Variants in DCC observed in about 807,000 individuals in gnomAD.
The protein encoded by DCC is netrin receptor DCC.
A neutral mutation model predicts 172.5 loss-of-function variants in DCC; 58 were observed. The observed-to-expected ratio is 0.34, with a 90% CI of 0.27 to 0.42. DCC has a LOEUF of 0.42. Ranked by LOEUF, DCC falls within the 10% of genes least tolerant of loss-of-function variation. The pLI is 1.00. For synonymous variants in DCC, 709 were observed against 644.5 expected (o/e 1.10, Z -1.52); for missense variants, 1,740 against 1,791.0 (o/e 0.97, Z 0.51).
chr18:52,878,694 G>A (rs2039437621), intron 2 of DCC, among the ~76,000 whole-genome samples: 1 of 152,126 alleles, frequency 6.6e-6, no homozygotes, highest in Non-Finnish European at 1.5e-5. Flanking sequence ...CTCCCTGAGA[G>A]TATATAATTT....
intron 15 of DCC, among the ~76,000 whole-genome samples, chr18:53,343,867 T>G (rs1222333370): frequency 3.9e-5 from 6 of 152,102 alleles, no homozygotes; most frequent in Admixed American, 3.3e-4. Context: ...TTTCTTGTAT[T>G]GATTTTGCTA....
At chr18:53,081,644 G>A (rs755927444) in intron 7 of DCC, among the ~76,000 whole-genome samples, 3 of 151,970 alleles carry the variant, frequency 2.0e-5, no homozygotes, top group Non-Finnish European at 4.4e-5. Flanking sequence ...CACAGCTAAT[G>A]TGTAAAATAA....
chr18:53,349,438 A>C (rs1009755630), intron 15 of DCC, among the ~76,000 whole-genome samples: 3 of 152,136 alleles, frequency 2.0e-5, no homozygotes, highest in Non-Finnish European at 2.9e-5. Flanking sequence ...ACACTGTTTC[A>C]ACCTCTGCCT....
chr18:53,263,186 C>T (rs1302847530), intron 12 of DCC, among the ~76,000 whole-genome samples: 1 of 152,170 alleles, frequency 6.6e-6, no homozygotes, highest in African/African-American at 2.4e-5. Flanking sequence ...GAGTCTTCCC[C>T]TGTCATCTGA....
At chr18:52,757,472 C>T (rs1169664681) in intron 2 of DCC, among the ~76,000 whole-genome samples, 1 of 152,000 alleles carries the variant, frequency 6.6e-6, no homozygotes, top group African/African-American at 2.4e-5. Context: ...CAACCATGAC[C>T]CCCTGTCCAC....
chr18:52,470,734 C>A (rs1388521891), intron 1 of DCC, among the ~76,000 whole-genome samples: 1 of 152,138 alleles, frequency 6.6e-6, no homozygotes, highest in Admixed American at 6.5e-5. Context: ...TAATGGGAAA[C>A]AAAGTATCAC....
intron 9 of DCC, among the ~76,000 whole-genome samples, chr18:53,184,380 A>G (rs1201538425): frequency 6.9e-6 from 1 of 145,572 alleles, no homozygotes; most frequent in Admixed American, 6.9e-5. Context: ...GAAATGCATC[A>G]TTAATTGTTT....
At chr18:53,150,137 T>A (rs1598851012) in intron 7 of DCC, among the ~76,000 whole-genome samples, 1 of 152,328 alleles carries the variant, frequency 6.6e-6, no homozygotes, top group Admixed American at 6.5e-5. Flanking sequence ...ATATTTCCCC[T>A]TCTCCATTTG....
At chr18:53,390,905 A>G (rs888419195) in intron 16 of DCC, among the ~76,000 whole-genome samples, 2 of 152,180 alleles carry the variant, frequency 1.3e-5, no homozygotes, top group Non-Finnish European at 2.9e-5. Flanking sequence ...TTAGCTAATT[A>G]CTCTGTGAGA....
intron 2 of DCC, among the ~76,000 whole-genome samples, chr18:52,823,567 T>C (rs1299937011): frequency 2.6e-5 from 4 of 152,162 alleles, no homozygotes; most frequent in African/African-American, 7.2e-5. Flanking sequence ...ACCTGCTATT[T>C]TACTTACTAA....
chr18:52,860,061 A>C (rs2039115834), intron 2 of DCC, among the ~76,000 whole-genome samples: 1 of 152,236 alleles, frequency 6.6e-6, no homozygotes, highest in Admixed American at 6.5e-5. Context: ...AATGGGCTAG[A>C]CGTCTATATA....
intron 5 of DCC, chr18:52,941,192 T>G (rs2040456045): frequency 6.6e-6 from 1 of 152,124 alleles, no homozygotes; most frequent in Non-Finnish European, 1.5e-5. Context: ...GAAAAAAAGT[T>G]TAAGTCTTTT....
intron 7 of DCC, among the ~76,000 whole-genome samples, chr18:53,080,892 G>A (rs963826001): frequency 2.0e-4 from 30 of 151,984 alleles, no homozygotes; most frequent in Admixed American, 8.5e-4. Flanking sequence ...TTCCTTGATA[G>A]GGTATAAGTG....
rs2039878531 is a variant in DCC, at chr18:52,906,160, C to A, written c.529C>A (p.Gln177Lys). The change falls in exon 3 of 29, where the codon CAA becomes AAA. Residue 177 changes from glutamine (Q) to lysine (K), a missense_variant. Gln to Lys is a moderately conservative substitution (Grantham distance 53). Around this residue, in one of 2 missense-constraint regions of DCC, gnomAD observed 1,732 missense variants for 1,767.4 expected, o/e 0.98. Transcript: ENST00000442544. ...GCCAACAATCCACTGGCAGAAGAAC[C>A]AACAAGACCTGACTCCAATCCCAGG... ...PMPTIHWQKN[Q>K]QDLTPIPGDS... The A allele has an allele frequency of 1.2e-6, 2 of 1,614,100 alleles. No homozygotes were observed. The highest frequency in any genetic ancestry group is 1.7e-6 in the Non-Finnish European group (2 of 1,180,038).
chr18:53,296,590 A>G (rs1813854), intron 12 of DCC, among the ~76,000 whole-genome samples: 23,108 of 152,132 alleles, frequency 0.15, 2,540 homozygotes, highest in African/African-American at 0.3. Flanking sequence ...AGCTATGGCA[A>G]TATTCTGGGC....
intron 1 of DCC, among the ~76,000 whole-genome samples, chr18:52,375,083 C>T (rs1004889443): frequency 2.0e-5 from 3 of 152,192 alleles, no homozygotes; most frequent in African/African-American, 7.2e-5. Context: ...TCTTGATCCC[C>T]CTTTGTGGTA....
intron 12 of DCC, among the ~76,000 whole-genome samples, chr18:53,258,848 C>A (rs1024575768): frequency 6.6e-6 from 1 of 152,080 alleles, no homozygotes; most frequent in African/African-American, 2.4e-5. Flanking sequence ...GAGTCTAAGT[C>A]TCTTTGTAGG....
At chr18:53,170,493 T>C (rs1471795057) in intron 8 of DCC, among the ~76,000 whole-genome samples, 1 of 152,238 alleles carries the variant, frequency 6.6e-6, no homozygotes, top group Admixed American at 6.5e-5. Context: ...TTTTTCTATG[T>C]GATTATATCT....
chr18:52,417,165 G>A (rs1045375397), intron 1 of DCC, among the ~76,000 whole-genome samples: 181 of 152,182 alleles, frequency 1.2e-3, no homozygotes, highest in Non-Finnish European at 1.9e-3. Context: ...ATTCTGGGTT[G>A]AAAATTCTTT....
Sources: gnomAD v4.1 joint callset for allele counts (sites outside exome capture counted in the v4.1 genomes callset) on GRCh38, gnomAD v4.1.1 for gene constraint, gnomAD v4.1.1 regional missense constraint, MANE v1.5 for transcripts, NCBI Gene and HGNC (gene_info 2026-07-23, HGNC 2026-07-21) for gene names.